The following SVIL variants were observed in gnomAD, a reference collection of about 807,000 sequenced individuals.
The protein encoded by SVIL is supervillin.
In SVIL, 101 loss-of-function variants were observed where a neutral mutation model predicts 240.4. The ratio of observed to expected loss-of-function variants is 0.42; its 90% confidence interval spans 0.36 to 0.50. The LOEUF is 0.50. Among genes scored for constraint, SVIL ranks in the 20% least tolerant of loss-of-function variants. SVIL has a pLI of 0.01. For synonymous variants in SVIL, 999 were observed against 1,100.0 expected (o/e 0.91, Z 1.82); for missense variants, 2,512 against 2,818.7 (o/e 0.89, Z 2.46).
At position 29,533,054 on chromosome 10, in the gene SVIL, T is replaced by TCTCCTC. The variant is rs778892505; in HGVS notation, c.1312_1313insGAGGAG (p.Glu437_Glu438insGlyGly). 6.2e-7 allele frequency: 1 copy of TCTCCTC among 1,614,096 alleles called. No homozygotes were observed. The highest frequency in any genetic ancestry group is 1.1e-5 in the South Asian group (1 of 91,088). On this transcript the variant is annotated inframe_insertion, in exon 8 of 38. Transcript: ENST00000355867. The stretch of plus-strand genomic sequence containing the variant: ...AGTGAAGCACACATCTTCTTCTTTT[T>TCTCCTC]CTTCTCCTTCTCCTTCCCCTTCTTC...
chr10:29,734,639 G>C (rs554233075), intron 1 of SVIL, among the ~76,000 whole-genome samples: 3 of 152,266 alleles, frequency 2.0e-5, no homozygotes, highest in South Asian at 2.1e-4. Context: ...ACAGAAGAAG[G>C]GGGTGGAGGC....
chr10:29,518,435 A>G (rs1950354930), intron 16 of SVIL, among the ~76,000 whole-genome samples: 2 of 152,182 alleles, frequency 1.3e-5, no homozygotes, highest in South Asian at 4.1e-4. Flanking sequence ...ACTTTTTAAT[A>G]TGTTTCCTTG....
chr10:29,481,210 A>G (rs1432917130), intron 28 of SVIL, among the ~76,000 whole-genome samples: 1 of 150,850 alleles, frequency 6.6e-6, no homozygotes, highest in Non-Finnish European at 1.5e-5. Flanking sequence ...TTTTAATTAA[A>G]AAAGTATTTT....
intron 16 of SVIL, among the ~76,000 whole-genome samples, chr10:29,517,114 C>T (rs1950254960): frequency 6.6e-6 from 1 of 152,020 alleles, no homozygotes; most frequent in African/African-American, 2.4e-5. Flanking sequence ...AGACAAATCA[C>T]ACTTTGGAAA....
In SVIL at chr10:29,689,039, AAAG is replaced by A. The variant is rs201689663; in HGVS notation, c.-399-2391_-399-2389del. Among the ~76,000 whole-genome samples the A allele has an allele frequency of 7.3e-3, 1,118 of 152,344 alleles. 12 individuals carry two copies. Among genetic ancestry groups the A allele is most frequent in the African/African-American group, 0.025 (1,058 of 41,574 alleles). Reference sequence around the variant, plus strand: ...ATATATATACAGTGCAAATAAACTAAAAGAAGGAGTTGTTGATATTTGCTAAGC... The same window carrying A: ...ATATATATACAGTGCAAATAAACTAAAAGGAGTTGTTGATATTTGCTAAGC... On this transcript the variant is annotated intron_variant, in intron 1 of 35. Transcript: ENST00000375400.
At chr10:29,692,070 A>G (rs902943194) in intron 1 of SVIL, among the ~76,000 whole-genome samples, 8 of 152,194 alleles carry the variant, frequency 5.3e-5, no homozygotes, top group Admixed American at 5.2e-4. Context: ...GAAGAACCTC[A>G]GTTGCTTTAC....
chr10:29,518,730 C>T (rs1007900721), intron 16 of SVIL, among the ~76,000 whole-genome samples: 3 of 152,124 alleles, frequency 2.0e-5, no homozygotes, highest in Non-Finnish European at 4.4e-5. Flanking sequence ...GTGGTGGGCT[C>T]CTGTGATCCC....
intron 1 of SVIL, among the ~76,000 whole-genome samples, chr10:29,622,332 G>C (rs887169209): frequency 4.6e-5 from 7 of 151,006 alleles, no homozygotes; most frequent in African/African-American, 1.5e-4. Flanking sequence ...AAACTGCCTG[G>C]GAATCTAAGT....
At chr10:29,468,647 T>C (rs1038685437) in intron 32 of SVIL, among the ~76,000 whole-genome samples, 7 of 151,710 alleles carry the variant, frequency 4.6e-5, no homozygotes, top group Admixed American at 3.9e-4. Context: ...CATATATATA[T>C]ACATGTACAT....
chr10:29,537,993 G>GA (rs1365394311), intron 6 of SVIL, among the ~76,000 whole-genome samples: 1 of 152,186 alleles, frequency 6.6e-6, no homozygotes, highest in Non-Finnish European at 1.5e-5. Context: ...TATTTGATGG[G>GA]AAGAGTTTGG....
chr10:29,564,765 T>A (rs1443684669), intron 2 of SVIL, among the ~76,000 whole-genome samples: 1 of 152,176 alleles, frequency 6.6e-6, no homozygotes, highest in Non-Finnish European at 1.5e-5. Flanking sequence ...GGTAAGTGTG[T>A]TCACATTATT....
chr10:29,470,163 G>T, intron 32 of SVIL, 113 bp downstream of exon 32: 1 of 1,218,400 alleles, frequency 8.2e-7, no homozygotes, highest in Non-Finnish European at 1.2e-6. Context: ...ATCCTTTGCT[G>T]CAGTCACTTT....
At chr10:29,613,978 G>A (rs896535060) in intron 1 of SVIL, among the ~76,000 whole-genome samples, 34 of 152,070 alleles carry the variant, frequency 2.2e-4, no homozygotes, top group South Asian at 2.1e-4. Context: ...AGGTTTCCTC[G>A]GTGAATCAGC....
chr10:29,694,015 A>G (rs190951671), intron 1 of SVIL, among the ~76,000 whole-genome samples: 3 of 152,224 alleles, frequency 2.0e-5, no homozygotes, highest in East Asian at 1.9e-4. Flanking sequence ...TCTAGATCCT[A>G]TGATGGGCTA....
chr10:29,496,505 C>G (rs1948454600), intron 18 of SVIL: 1 of 432,832 alleles, frequency 2.3e-6, no homozygotes. Context: ...TCCAAAGCAA[C>G]CGGAGAAATC....
At chr10:29,526,919 C>A (rs1444414568) in intron 13 of SVIL, 42 bp downstream of exon 13, 2 of 1,472,478 alleles carry the variant, frequency 1.4e-6, no homozygotes, top group African/African-American at 1.4e-5. Context: ...CTGTTCGGCA[C>A]CTTTGCACCG....
At chr10:29,709,834 G>T (rs1387031083) in intron 1 of SVIL, among the ~76,000 whole-genome samples, 2 of 152,108 alleles carry the variant, frequency 1.3e-5, no homozygotes, top group African/African-American at 4.8e-5. Flanking sequence ...GCACCCAGTG[G>T]GTGGGTGGTT....
intron 1 of SVIL, among the ~76,000 whole-genome samples, chr10:29,600,835 C>G (rs1956784452): frequency 6.6e-6 from 1 of 152,190 alleles, no homozygotes; most frequent in South Asian, 2.1e-4. Context: ...CATCTCTCTT[C>G]AAGGGACCCG....
At chr10:29,639,632 C>T (rs1958422423), upstream of SVIL, among the ~76,000 whole-genome samples, 1 of 151,844 alleles carries the variant, frequency 6.6e-6, no homozygotes, top group South Asian at 2.1e-4. Context: ...CCACATCTGG[C>T]TAATTTTTGT....
Sources: allele counts gnomAD v4.1 joint callset (sites outside exome capture counted in the v4.1 genomes callset), GRCh38; gene constraint gnomAD v4.1.1; transcripts MANE v1.5; gene names NCBI Gene and HGNC (gene_info 2026-07-23, HGNC 2026-07-21).